The following TRPC5 variants were observed in gnomAD, a reference collection of about 807,000 sequenced individuals.
TRPC5 encodes short transient receptor potential channel 5.
A neutral mutation model predicts 56.5 loss-of-function variants in TRPC5; 9 were observed. That is an observed-to-expected ratio of 0.16 (90% confidence interval 0.10 to 0.28). TRPC5 has a LOEUF of 0.28. Among genes scored for constraint, TRPC5 ranks in the 10% least tolerant of loss-of-function variants. The probability of loss-of-function intolerance (pLI) is 1.00; values close to 1 mark genes in which losing one functional copy is unlikely to be tolerated. For missense variants in TRPC5, 469 were observed against 748.9 expected (o/e 0.63, Z 4.36); for synonymous variants, 282 against 278.5 (o/e 1.01, Z -0.13).
At chrX:111,938,431 C>G (rs954768357) in intron 2 of TRPC5, among the ~76,000 whole-genome samples, 24 of 109,750 alleles carry the variant, frequency 2.2e-4, no homozygotes, top group East Asian at 1.1e-3. Context: ...TGCCAGTTTT[C>G]AAAGGGAATG....
At chrX:111,973,180 T>C (rs1402494215) in intron 1 of TRPC5, among the ~76,000 whole-genome samples, 1 of 111,805 alleles carries the variant, frequency 8.9e-6, no homozygotes, top group Non-Finnish European at 1.9e-5. Flanking sequence ...ACTTTTAAAT[T>C]GGAGTATTGC....
At chrX:111,809,267 G>A (rs776863745) in intron 7 of TRPC5, among the ~76,000 whole-genome samples, 1 of 111,301 alleles carries the variant, frequency 9.0e-6, no homozygotes, top group East Asian at 2.8e-4. Context: ...CCTTTCAAGT[G>A]CATTTAGAAC....
chrX:112,058,045 C>T (rs1930380109), intron 1 of TRPC5, among the ~76,000 whole-genome samples: 1 of 111,818 alleles, frequency 8.9e-6, no homozygotes, highest in Non-Finnish European at 1.9e-5. Context: ...CTTGTTTCTG[C>T]TCTCTGTGTA....
Position 111,847,316 on chromosome X carries a change from T to C in TRPC5, c.1498A>G (p.Asn500Asp). ...SLRLISLFTA[N>D]SHLGPLQISL... Reference sequence around the variant, plus strand: ...ATCTGCAGAGGTCCTAAGTGGGAGTTGGCTGTGAACAGGGATATGAGACGC... The same window carrying C: ...ATCTGCAGAGGTCCTAAGTGGGAGTCGGCTGTGAACAGGGATATGAGACGC... The change falls in exon 6 of 11, where the codon AAC becomes GAC. Residue 500 changes from asparagine (N) to aspartate (D), a missense_variant. This residue lies in a region of TRPC5 where 157 missense variants were observed against 360.0 expected (regional missense o/e 0.44). Transcript: ENST00000262839. The C allele has an allele frequency of 1.7e-6, 2 of 1,211,329 alleles. No homozygotes were observed. The highest frequency in any genetic ancestry group is 2.2e-6 in the Non-Finnish European group (2 of 895,482).
chrX:111,938,989 A>G (rs1324777103), intron 2 of TRPC5, among the ~76,000 whole-genome samples: 1 of 111,617 alleles, frequency 9.0e-6, no homozygotes, highest in African/African-American at 3.3e-5. Context: ...CTTATTCCAG[A>G]TCTTAGAGGA....
At chrX:111,829,471 C>T (rs923203956) in intron 7 of TRPC5, among the ~76,000 whole-genome samples, 1 of 111,727 alleles carries the variant, frequency 9.0e-6, no homozygotes, top group Non-Finnish European at 1.9e-5. Flanking sequence ...GTCTCCAGGG[C>T]ATGTCAGAGA....
chrX:112,051,235 A>C (rs768564304), intron 1 of TRPC5, among the ~76,000 whole-genome samples: 1 of 111,711 alleles, frequency 9.0e-6, no homozygotes, highest in African/African-American at 3.3e-5. Context: ...ATTTCCTACT[A>C]TTTCCTTCTC....
At chrX:111,966,169 T>A (rs779731676) in intron 1 of TRPC5, among the ~76,000 whole-genome samples, 5 of 111,446 alleles carry the variant, frequency 4.5e-5, no homozygotes, top group African/African-American at 1.6e-4. Flanking sequence ...CCCAAAGAAA[T>A]ACAAACTACC....
At position 111,769,914 on chromosome X, in the gene TRPC5, T is replaced by C. The variant is rs1239532064; in HGVS notation, c.*6399A>G. ...CTTATAGGATCATGATTTTCTACCA[T>C]TGAGGATATTCAGAGATTGTACTGT... On this transcript the variant is annotated 3_prime_UTR_variant, in exon 11 of 11. Coordinates refer to ENST00000262839, the MANE Select transcript of TRPC5 (RefSeq NM_012471.3). Among the ~76,000 whole-genome samples, 1 of 111,676 alleles carries C rather than the reference T, an allele frequency of 9.0e-6. No individual in the cohort carries two copies. The highest frequency in any genetic ancestry group is 1.9e-5 in the Non-Finnish European group (1 of 53,086).
chrX:111,825,196 TTTCTTTC>T (rs1922176702), intron 7 of TRPC5, among the ~76,000 whole-genome samples: 2 of 91,176 alleles, frequency 2.2e-5, no homozygotes, highest in Non-Finnish European at 4.2e-5. Flanking sequence ...TCTTTCTTTC[TTTCTTTC>T]TTTCTTTCTT....
intron 1 of TRPC5, among the ~76,000 whole-genome samples, chrX:112,076,633 C>T (rs1460853345): frequency 2.7e-5 from 3 of 111,448 alleles, no homozygotes; most frequent in African/African-American, 9.8e-5. Flanking sequence ...TCAAATGATG[C>T]GTCCGTGTGT....
At position 111,776,870 on chromosome X, in the gene TRPC5, C is replaced by T. The variant is rs1405351560; in HGVS notation, c.2365G>A (p.Gly789Arg). 1 of 1,211,622 alleles carries T rather than the reference C, an allele frequency of 8.3e-7. No individual in the cohort carries two copies. The highest frequency in any genetic ancestry group is 1.1e-6 in the Non-Finnish European group (1 of 895,470). ...ACACTCTTGGATTTGGCCCGAGCCC[C>T]ACCACTGCCATCATTATTATCGTCT... ...QRDDNNDGSG[G>R]ARAKSKSVSF... Residue 789 changes from glycine to arginine, a missense_variant, in exon 11 of 11, where the codon GGG becomes AGG. Transcript: ENST00000262839.
At chrX:111,830,592 A>G (rs947354298) in intron 7 of TRPC5, among the ~76,000 whole-genome samples, 3 of 111,398 alleles carry the variant, frequency 2.7e-5, no homozygotes, top group South Asian at 3.8e-4. Context: ...TGCTGCTTTC[A>G]TGATAGTGAG....
At chrX:111,863,601 T>G (rs1412173587) in intron 3 of TRPC5, among the ~76,000 whole-genome samples, 1 of 112,134 alleles carries the variant, frequency 8.9e-6, no homozygotes, top group Non-Finnish European at 1.9e-5. Flanking sequence ...GGAAGCCTAT[T>G]ATTTCTTTTT....
At chrX:112,033,577 C>CTT (rs1214263654) in intron 1 of TRPC5, among the ~76,000 whole-genome samples, 1 of 110,178 alleles carries the variant, frequency 9.1e-6, no homozygotes, top group African/African-American at 3.3e-5. Flanking sequence ...GTTGCTTATG[C>CTT]TTTAGGTATT....
At chrX:111,902,169 A>G in intron 3 of TRPC5, 1 of 1,121,404 alleles carries the variant, frequency 8.9e-7, no homozygotes, top group Non-Finnish European at 1.2e-6. Context: ...ATAAATGATG[A>G]CTTAACAGGT....
At chrX:111,829,085 C>T (rs1300732972) in intron 7 of TRPC5, among the ~76,000 whole-genome samples, 1 of 110,158 alleles carries the variant, frequency 9.1e-6, no homozygotes. Context: ...GGGTGGATCA[C>T]GAGGTCAGGC....
chrX:111,929,919 TCA>T (rs757436207), intron 2 of TRPC5, among the ~76,000 whole-genome samples: 5 of 111,865 alleles, frequency 4.5e-5, no homozygotes, highest in Non-Finnish European at 9.4e-5. Flanking sequence ...CACTGCAAAA[TCA>T]CAGAGTTAGA....
chrX:111,799,559 A>G (rs1921234449), intron 7 of TRPC5, among the ~76,000 whole-genome samples: 1 of 111,347 alleles, frequency 9.0e-6, no homozygotes, highest in African/African-American at 3.3e-5. Flanking sequence ...ATGCTATGGA[A>G]GAAAACCTCG....
Sources: gnomAD v4.1 joint callset for allele counts (sites outside exome capture counted in the v4.1 genomes callset) on GRCh38, gnomAD v4.1.1 for gene constraint, gnomAD v4.1.1 regional missense constraint, MANE v1.5 for transcripts, NCBI Gene and HGNC (gene_info 2026-07-23, HGNC 2026-07-21) for gene names.